Variants in PRTG observed in about 807,000 individuals in gnomAD.
PRTG encodes the protein immunoglobulin superfamily, DCC subclass, member 5.
In PRTG, 67 loss-of-function variants were observed where a neutral mutation model predicts 122.5. The observed-to-expected ratio is 0.55, with a 90% CI of 0.45 to 0.67. The LOEUF (loss-of-function observed/expected upper bound fraction) is 0.67. Ranked by LOEUF, PRTG falls within the 30% of genes least tolerant of loss-of-function variation. The probability of loss-of-function intolerance (pLI) is 0.00; values close to 1 mark genes in which losing one functional copy is unlikely to be tolerated. For missense variants in PRTG, 1,435 were observed against 1,415.4 expected (o/e 1.01, Z -0.22); for synonymous variants, 554 against 501.1 (o/e 1.11, Z -1.41).
chr15:55,705,881 A>T (rs1318965914), intron 2 of PRTG, among the ~76,000 whole-genome samples: 5 of 120,388 alleles, frequency 4.2e-5, no homozygotes, highest in Non-Finnish European at 8.7e-5. Flanking sequence ...TCTGAGAAGG[A>T]GTCTCACTCT....
chr15:55,720,282 G>T (rs1037138926), intron 2 of PRTG, among the ~76,000 whole-genome samples: 3 of 151,726 alleles, frequency 2.0e-5, no homozygotes, highest in African/African-American at 7.3e-5. Flanking sequence ...TGAACCACCT[G>T]GAAGGCAGAA....
chr15:55,732,705 G>A lies in PRTG; in HGVS notation c.397+7677C>T, dbSNP rs375352891. On this transcript the variant is annotated intron_variant, in intron 2 of 19. Transcript: ENST00000389286. The stretch of plus-strand genomic sequence containing the variant: ...GAGGGGGTTTCTCCATGTTGGTCAG[G>A]CTGGTCTCGAACTCCCAACCTCAGG... Among the ~76,000 whole-genome samples the A allele has an allele frequency of 1.6e-3, 243 of 152,026 alleles. 6 individuals are homozygous for A. Among genetic ancestry groups the A allele is most frequent in the African/African-American group, 5.7e-3 (236 of 41,472 alleles).
chr15:55,712,936 G>C (rs754425775), intron 2 of PRTG, among the ~76,000 whole-genome samples: 22 of 152,162 alleles, frequency 1.4e-4, no homozygotes, highest in Non-Finnish European at 2.8e-4. Flanking sequence ...TTTAAAAATT[G>C]TTTAACCAAT....
chr15:55,728,318 GA>G (rs1245751487), intron 2 of PRTG, among the ~76,000 whole-genome samples: 2 of 151,962 alleles, frequency 1.3e-5, no homozygotes, highest in African/African-American at 4.8e-5. Context: ...ATAATCACAA[GA>G]AAAGAAAATT....
At chr15:55,738,071 A>ATATATATATATAT (rs1555438618) in intron 2 of PRTG, 1 of 105,440 alleles carries the variant, frequency 9.5e-6, no homozygotes, top group African/African-American at 3.1e-5. Flanking sequence ...TCTTCCTGTA[A>ATATATATATATAT]ATATATATAT....
chr15:55,650,374 G>T (rs4774797), intron 11 of PRTG, among the ~76,000 whole-genome samples: 1 of 152,058 alleles, frequency 6.6e-6, no homozygotes, highest in African/African-American at 2.4e-5. Flanking sequence ...GCTTCACAGA[G>T]GAGGTGGCAT....
chr15:55,641,030 T>C (rs1182272092), intron 12 of PRTG, 83 bp downstream of exon 12: 1 of 916,716 alleles, frequency 1.1e-6, no homozygotes, highest in Non-Finnish European at 1.8e-6. Flanking sequence ...TTCCAAGTAG[T>C]AGTGAGACTG....
chr15:55,684,017 C>T, intron 2 of PRTG, 86 bp from the exon 3 acceptor site: 1 of 1,136,200 alleles, frequency 8.8e-7, no homozygotes, highest in Non-Finnish European at 1.2e-6. Flanking sequence ...ACTTATTGGA[C>T]TTGAACCCTT....
chr15:55,694,226 C>T (rs2059620116), intron 2 of PRTG, among the ~76,000 whole-genome samples: 1 of 152,084 alleles, frequency 6.6e-6, no homozygotes, highest in Non-Finnish European at 1.5e-5. Flanking sequence ...ACTTTACTTA[C>T]ATTTTTTCCT....
chr15:55,680,607 T>G lies in PRTG; in HGVS notation c.698A>C (p.His233Pro). Residue 233 changes from histidine to proline, a missense_variant, in exon 5 of 20, where the codon CAC (histidine) becomes CCC (proline). Physicochemically the swap from His to Pro is moderately conservative, Grantham distance 77. Transcript: ENST00000389286. ...TGGACCTGCTATAATTGTTGGTGTGTGGAAGGATTTTGACTCCTTAGCTTT... is the reference window on the plus strand; with the variant it reads ...TGGACCTGCTATAATTGTTGGTGTGGGGAAGGATTTTGACTCCTTAGCTTT... ...VIPAKESKSF[H>P]TPTIIAGPQN... 6.4e-7 allele frequency: 1 copy of G among 1,554,462 alleles called. No homozygotes were observed. The highest frequency in any genetic ancestry group is 8.7e-7 in the Non-Finnish European group (1 of 1,148,330).
At chr15:55,624,245 A>G in intron 18 of PRTG, 97 bp downstream of exon 18, 3 of 1,042,292 alleles carry the variant, frequency 2.9e-6, no homozygotes, top group Non-Finnish European at 4.3e-6. Flanking sequence ...TATTGGTATA[A>G]TACATTCAAC....
intron 11 of PRTG, among the ~76,000 whole-genome samples, chr15:55,658,171 C>T (rs1595625295): frequency 6.6e-6 from 1 of 152,156 alleles, no homozygotes; most frequent in Non-Finnish European, 1.5e-5. Flanking sequence ...AGACTATATT[C>T]AAATTGTATG....
At chr15:55,656,709 C>T (rs1047169558) in intron 11 of PRTG, among the ~76,000 whole-genome samples, 2 of 152,176 alleles carry the variant, frequency 1.3e-5, no homozygotes, top group South Asian at 4.1e-4. Context: ...AGGGTTTCAC[C>T]CTGTTAGCCA....
At chr15:55,622,859 T>G (rs144253747) in intron 18 of PRTG, among the ~76,000 whole-genome samples, 15 of 152,302 alleles carry the variant, frequency 9.8e-5, no homozygotes, top group African/African-American at 3.1e-4. Context: ...TTTAAGCTCA[T>G]TTAAAAGTTT....
At chr15:55,731,518 A>C (rs2031232953) in intron 2 of PRTG, among the ~76,000 whole-genome samples, 1 of 151,440 alleles carries the variant, frequency 6.6e-6, no homozygotes, top group Non-Finnish European at 1.5e-5. Context: ...TTACAGGCAC[A>C]CACCACCACA....
chr15:55,719,287 A>C (rs2030722043), intron 2 of PRTG, among the ~76,000 whole-genome samples: 1 of 152,250 alleles, frequency 6.6e-6, no homozygotes, highest in South Asian at 2.1e-4. Context: ...TATCATGTCA[A>C]CATACTGGCA....
intron 15 of PRTG, among the ~76,000 whole-genome samples, chr15:55,636,662 C>G (rs879725817): frequency 3.3e-5 from 5 of 151,788 alleles, no homozygotes; most frequent in African/African-American, 4.8e-5. Context: ...TTTTTACCCC[C>G]CCGAGACAGA....
chr15:55,635,384 C>T (rs539821098), intron 15 of PRTG, among the ~76,000 whole-genome samples: 4 of 152,188 alleles, frequency 2.6e-5, no homozygotes, highest in Non-Finnish European at 5.9e-5. Context: ...GCCACTGCGC[C>T]CAGCCTCTGT....
intron 15 of PRTG, among the ~76,000 whole-genome samples, chr15:55,634,900 C>T (rs2059248043): frequency 6.6e-6 from 1 of 152,114 alleles, no homozygotes; most frequent in African/African-American, 2.4e-5. Flanking sequence ...ATTACACCCG[C>T]ATCGATTCAC....
Sources: allele counts gnomAD v4.1 joint callset (sites outside exome capture counted in the v4.1 genomes callset), GRCh38; gene constraint gnomAD v4.1.1; transcripts MANE v1.5; gene names NCBI Gene and HGNC (gene_info 2026-07-23, HGNC 2026-07-21).